Variants in SP140 observed in about 807,000 individuals in gnomAD.
The protein encoded by SP140 is nuclear body protein SP140.
A neutral mutation model predicts 125.0 loss-of-function variants in SP140; 81 were observed. The observed-to-expected ratio is 0.65, with a 90% CI of 0.54 to 0.78. The LOEUF (loss-of-function observed/expected upper bound fraction) is 0.78, where lower values mean the gene tolerates loss of function less well. Among genes scored for constraint, SP140 ranks in the 30% least tolerant of loss-of-function variants. The probability of loss-of-function intolerance (pLI) is 0.00; values close to 1 mark genes in which losing one functional copy is unlikely to be tolerated. For missense variants in SP140, 858 were observed against 1,037.0 expected (o/e 0.83, Z 2.37); for synonymous variants, 312 against 354.0 (o/e 0.88, Z 1.33).
the SP140 span, among the ~76,000 whole-genome samples, chr2:230,187,783 T>C: frequency 6.6e-6 from 1 of 152,230 alleles, no homozygotes; most frequent in Non-Finnish European, 1.5e-5. Flanking sequence ...GTATGCTTTG[T>C]CAAAGATCAG....
chr2:230,295,156 A>G (rs1230807155), intron 21 of SP140, among the ~76,000 whole-genome samples: 1 of 152,252 alleles, frequency 6.6e-6, no homozygotes, highest in South Asian at 2.1e-4. Context: ...AAGACTGGGT[A>G]TGAATGAGAA....
chr2:230,250,740 G>GGGAGAA (rs1485842883), intron 9 of SP140, among the ~76,000 whole-genome samples: 1 of 152,090 alleles, frequency 6.6e-6, no homozygotes, highest in East Asian at 1.9e-4. Context: ...AAGGGGGAGG[G>GGGAGAA]GGAGAAGGAG....
At chr2:230,212,809 G>A in intron 1 of SP140, 1 of 1,614,128 alleles carries the variant, frequency 6.2e-7, no homozygotes, top group Non-Finnish European at 8.5e-7. Context: ...GGCAGGACAG[G>A]GTCAGATGGG....
intron 12 of SP140, among the ~76,000 whole-genome samples, chr2:230,261,281 C>T (rs547606413): frequency 6.6e-5 from 10 of 152,240 alleles, no homozygotes; most frequent in African/African-American, 1.2e-4. Flanking sequence ...AGAAAAGCTA[C>T]TGATTTGTGT....
At chr2:230,309,351 G>A (rs2059117110) in intron 22 of SP140, among the ~76,000 whole-genome samples, 1 of 152,120 alleles carries the variant, frequency 6.6e-6, no homozygotes, top group African/African-American at 2.4e-5. Flanking sequence ...TGCTTCCTGG[G>A]GCCCACCTGG....
At chr2:230,249,570 C>G (rs2050042580) in intron 9 of SP140, among the ~76,000 whole-genome samples, 1 of 151,844 alleles carries the variant, frequency 6.6e-6, no homozygotes, top group Non-Finnish European at 1.5e-5. Context: ...CCCAAAGAAA[C>G]AGAAAAGGAG....
upstream of SP140, among the ~76,000 whole-genome samples, chr2:230,199,952 C>T (rs2043057717): frequency 6.6e-6 from 1 of 151,950 alleles, no homozygotes; most frequent in African/African-American, 2.4e-5. Context: ...CCAGGGGATC[C>T]TGAAAAAAAT....
rs142855284 is a variant in SP140, at chr2:230,244,328, G to A, written c.571+517G>A. Among the ~76,000 whole-genome samples, 910 of 152,330 alleles carry A rather than the reference G, an allele frequency of 6.0e-3. 4 individuals carry two copies. Among genetic ancestry groups the A allele is most frequent in the Non-Finnish European group, 0.011 (715 of 68,014 alleles). On this transcript the variant is annotated intron_variant, in intron 5 of 26. Transcript: ENST00000392045. Reference sequence around the variant, plus strand: ...TATTTTATAGCTAAATAAAGTAGAAGTAGAAGCATAGCAATGTGTAAGGTC... The same window carrying A: ...TATTTTATAGCTAAATAAAGTAGAAATAGAAGCATAGCAATGTGTAAGGTC...
intron 19 of SP140, 89 bp downstream of exon 19, chr2:230,290,653 A>G: frequency 8.7e-7 from 1 of 1,149,776 alleles, no homozygotes. Context: ...CACATCATTC[A>G]AGGAGTTTGG....
intron 3 of SP140, chr2:230,216,840 G>T (rs1474398137): frequency 1.9e-6 from 3 of 1,614,078 alleles, no homozygotes; most frequent in Non-Finnish European, 2.5e-6. Context: ...AAGGGAAATG[G>T]CTTGTGTATG....
At chr2:230,250,702 G>A (rs1315711302) in intron 9 of SP140, among the ~76,000 whole-genome samples, 1 of 152,124 alleles carries the variant, frequency 6.6e-6, no homozygotes, top group Admixed American at 6.5e-5. Context: ...AGGAAAGCAG[G>A]GCAAAGGCAG....
At chr2:230,189,606 G>A in the SP140 span, among the ~76,000 whole-genome samples, 1 of 152,106 alleles carries the variant, frequency 6.6e-6, no homozygotes, top group South Asian at 2.1e-4. Flanking sequence ...GGACACACGT[G>A]CAGAACATGC....
At position 230,285,769 on chromosome 2, in the gene SP140, G is replaced by A. The variant is rs776385432; in HGVS notation, c.1582G>A (p.Gly528Ser). The A allele has an allele frequency of 8.4e-5, 136 of 1,613,416 alleles. No homozygotes were observed. Among genetic ancestry groups the A allele is most frequent in the Admixed American group, 3.3e-4 (20 of 59,980 alleles). ...SQQNDNSKAD[G>S]QVVSSEKKAN... ...ATCCCCAGATAATAGCAAAGCCGAC[G>A]GCCAGGTGGTCTCCAGTGAAAAGAA... Residue 528 changes from glycine (G) to serine (S), a missense_variant, in exon 17 of 27, where the codon GGC (glycine) becomes AGC (serine). Gly to Ser is a moderately conservative substitution (Grantham distance 56). Coordinates refer to ENST00000392045, the MANE Select transcript of SP140 (RefSeq NM_007237.5).
upstream of SP140, among the ~76,000 whole-genome samples, chr2:230,222,071 C>T (rs1490549121): frequency 6.6e-6 from 1 of 151,910 alleles, no homozygotes; most frequent in Non-Finnish European, 1.5e-5. Flanking sequence ...CTACTAAAAA[C>T]ACAAAAAAAT....
the SP140 span, among the ~76,000 whole-genome samples, chr2:230,187,483 C>T: frequency 7.9e-5 from 12 of 152,212 alleles, no homozygotes; most frequent in African/African-American, 1.4e-4. Context: ...TACGAAGAAG[C>T]GTTTCAGTTT....
chr2:230,243,690 C>T, intron 4 of SP140, 41 bp from the exon 5 acceptor site: 1 of 1,456,016 alleles, frequency 6.9e-7, no homozygotes, highest in Non-Finnish European at 9.6e-7. Context: ...GCTTTTTGAC[C>T]ATAAATCAAG....
intron 20 of SP140, among the ~76,000 whole-genome samples, chr2:230,293,203 A>G (rs914321287): frequency 1.3e-5 from 2 of 152,258 alleles, no homozygotes; most frequent in African/African-American, 4.8e-5. Context: ...GTGTGCAATT[A>G]GGTATAATTT....
At chr2:230,241,101 G>A (rs563021186) in intron 3 of SP140, among the ~76,000 whole-genome samples, 1 of 152,158 alleles carries the variant, frequency 6.6e-6, no homozygotes. Context: ...AGACAATACA[G>A]ACAAGTACAG....
At chr2:230,300,362 A>T (rs1380477244) in intron 22 of SP140, among the ~76,000 whole-genome samples, 1 of 152,198 alleles carries the variant, frequency 6.6e-6, no homozygotes, top group Non-Finnish European at 1.5e-5. Context: ...CCAGTGTACT[A>T]AACAAAACTA....
Sources: allele counts gnomAD v4.1 joint callset (sites outside exome capture counted in the v4.1 genomes callset), GRCh38; gene constraint gnomAD v4.1.1; transcripts MANE v1.5; gene names NCBI Gene and HGNC (gene_info 2026-07-23, HGNC 2026-07-21).